FAM210B: variants seen among roughly 807,000 people sequenced by gnomAD.
FAM210B encodes the protein family with sequence similarity 210 member B.
A neutral mutation model predicts 14.9 loss-of-function variants in FAM210B; 11 were observed. That is an observed-to-expected ratio of 0.74 (90% CI 0.46 to 1.22). The LOEUF is 1.22. FAM210B is among the 50% of genes most tolerant of loss of function. The pLI, the probability that FAM210B is intolerant of heterozygous loss-of-function variation, is 0.00. For missense variants in FAM210B, 229 were observed against 250.1 expected (o/e 0.92, Z 0.57); for synonymous variants, 113 against 110.2 (o/e 1.03, Z -0.16).
rs867220917 is a variant in FAM210B, at chr20:56,365,320, G to C, written c.362+58G>C. ...TTTACTGTCATGTAAGATTCTATGT[G>C]AATAAGAACGTGTTTGCTAAGACTT... On this transcript the variant is annotated intron_variant, in intron 2 of 2. Transcript: ENST00000371384. 53 of 1,553,874 alleles carry C rather than the reference G, an allele frequency of 3.4e-5. No individual in the cohort carries two copies. The Middle Eastern group carries it at 2.4e-3, about 71-fold the overall frequency.
rs1321086637 is a variant in FAM210B at position 56,368,317 on chromosome 20, G to A, written c.*2030G>A. 6.8e-6 allele frequency: 1 copy of A among 146,936 alleles called. No individual in the cohort carries two copies. Among genetic ancestry groups the A allele is most frequent in the Non-Finnish European group, 1.5e-5 (1 of 67,536 alleles). 9.1% of individuals were successfully genotyped at this position (146,936 alleles called of 1,614,324 possible). The stretch of plus-strand genomic sequence containing the variant: ...TGCCAGTCTCCCATTTATGTCCCTA[G>A]TAATGCCTATGCAAAAAAAAAAAAA... On this transcript the variant is annotated 3_prime_UTR_variant, in exon 3 of 3. Coordinates refer to ENST00000371384, the MANE Select transcript of FAM210B (RefSeq NM_080821.3).
At position 56,359,110 on chromosome 20, in the gene FAM210B, G is replaced by T. The variant is rs767208418; in HGVS notation, c.105G>T (p.Pro35=). 1.4e-4 allele frequency: 180 copies of T among 1,329,786 alleles called. 1 individual carries two copies. The African/African-American group carries it at 2.6e-3, about 19-fold the overall frequency. The allele number at this position is 1,329,786 out of a possible 1,614,324, so 82.4% of individuals were successfully genotyped here. The change falls in exon 1 of 3, where the codon CCG becomes CCT. Residue 35 remains proline, a synonymous_variant. Transcript: ENST00000371384. This position sits in a 1 kb window ranked among gnomAD's most constrained non-coding sequence, Gnocchi z 4.3. ...LLGATAPCAP[P]PLALALLPPR... is the part of the protein sequence containing the mutation. ...GCGCCACCGCCCCCTGCGCCCCGCC[G>T]CCCCTGGCCCTGGCCCTGCTCCCGC...
rs913831274 is a variant in FAM210B at position 56,365,016 on chromosome 20, C to T, written c.187-71C>T. ...GCAGGAAAGAGTATAACATTGCATGCGTGTATAAAAGCCGGTAATGACTGC... is the reference window on the plus strand; with the variant it reads ...GCAGGAAAGAGTATAACATTGCATGTGTGTATAAAAGCCGGTAATGACTGC... On this transcript the variant is annotated intron_variant, in intron 1 of 2. Coordinates refer to ENST00000371384, the MANE Select transcript of FAM210B (RefSeq NM_080821.3). The T allele has an allele frequency of 1.6e-5, 22 of 1,416,392 alleles. No homozygotes were observed. The East Asian group carries it at 3.3e-4, about 21-fold the overall frequency. The allele number at this position is 1,416,392 out of a possible 1,614,324, so 87.7% of individuals were successfully genotyped here.
In FAM210B at chr20:56,362,403, G is replaced by A. The variant is rs770559147; in HGVS notation, c.187-2684G>A. On this transcript the variant is annotated intron_variant, in intron 1 of 2. Coordinates refer to ENST00000371384, the MANE Select transcript of FAM210B (RefSeq NM_080821.3). The surrounding 1 kb of genome is among the most constrained non-coding windows in gnomAD (Gnocchi z 4.8). ...GTACAGACAGAAGATGTGTCACGCC[G>A]TCCTGTGCATTCAGGACAGTGCCTA... Among the ~76,000 whole-genome samples, 5 of 152,134 alleles carry A rather than the reference G, an allele frequency of 3.3e-5. No individual in the cohort carries two copies. The highest frequency in any genetic ancestry group is 2.1e-4 in the South Asian group (1 of 4,820).
In FAM210B at chr20:56,359,287, C is replaced by G. The variant is rs1369107245; in HGVS notation, c.186+96C>G. ...GGTCCGGCCGCCTCCGCCAAGGACG[C>G]CTTTGCACTTGTAGCTGCCCGGGAC... On this transcript the variant is annotated intron_variant, in intron 1 of 2. Coordinates refer to ENST00000371384, the MANE Select transcript of FAM210B (RefSeq NM_080821.3). The surrounding 1 kb of genome is among the most constrained non-coding windows in gnomAD (Gnocchi z 4.3). 4 of 1,154,482 alleles carry G rather than the reference C, an allele frequency of 3.5e-6. No individual in the cohort carries two copies. The highest frequency in any genetic ancestry group is 3.5e-5 in the East Asian group (1 of 28,452). 71.5% of individuals were successfully genotyped at this position (1,154,482 alleles called of 1,614,324 possible). A position where few individuals can be genotyped will look rare whatever the true frequency, so the allele number is the denominator to read the frequency against.
rs1480323553 is a variant in FAM210B at position 56,367,951 on chromosome 20, A to G, written c.*1664A>G. 1 of 152,284 alleles carries G rather than the reference A, an allele frequency of 6.6e-6. No homozygotes were observed. 9.4% of individuals were successfully genotyped at this position (152,284 alleles called of 1,614,324 possible). ...TGACCATCAGAGAACTGAATAAACC[A>G]TTAACTGGCCATCCTGGTTTTGCAG... On this transcript the variant is annotated 3_prime_UTR_variant, in exon 3 of 3. Coordinates refer to ENST00000371384, the MANE Select transcript of FAM210B (RefSeq NM_080821.3).
intron 1 of FAM210B, chr20:56,360,193 G>C (rs1040486333): frequency 1.1e-5 from 5 of 470,420 alleles, no homozygotes; most frequent in Non-Finnish European, 2.2e-5. Context: ...CCGACAGGTG[G>C]CACACAGGTC....
Position 56,359,140 on chromosome 20 carries a change from G to A in FAM210B, c.135G>A (p.Arg45=), listed in dbSNP as rs1983481376. ...PPLALALLPP[R]LDARLLRTAR... is the part of the protein sequence containing the mutation. The stretch of plus-strand genomic sequence containing the variant: ...TGGCCCTGGCCCTGCTCCCGCCCAG[G>A]CTAGACGCCCGGCTGCTCCGCACGG... Residue 45 remains arginine (R), a synonymous_variant, in exon 1 of 3, where the codon AGG becomes AGA. Coordinates refer to ENST00000371384, the MANE Select transcript of FAM210B (RefSeq NM_080821.3). This position sits in a 1 kb window ranked among gnomAD's most constrained non-coding sequence, Gnocchi z 4.3. 7 of 1,265,622 alleles carry A rather than the reference G, an allele frequency of 5.5e-6. No homozygotes were observed. The South Asian group carries it at 1.9e-4, about 34-fold the overall frequency. The allele number at this position is 1,265,622 out of a possible 1,614,324, so 78.4% of individuals were successfully genotyped here. A position where few individuals can be genotyped will look rare whatever the true frequency, so the allele number is the denominator to read the frequency against.
rs375564926 is a variant in FAM210B, at chr20:56,365,272, T to C, written c.362+10T>C. ...ACATGGTTGTGTCAAGGTAAGATTT[T>C]TGACAGTAATTAATATTTGTTTTTT... On this transcript the variant is annotated intron_variant, in intron 2 of 2. Coordinates refer to ENST00000371384, the MANE Select transcript of FAM210B (RefSeq NM_080821.3). The C allele has an allele frequency of 1.2e-4, 198 of 1,607,630 alleles. No homozygotes were observed. The African/African-American group carries it at 2.2e-3, about 18-fold the overall frequency.
Position 56,367,038 on chromosome 20 carries a change from C to T in FAM210B, c.*751C>T, listed in dbSNP as rs1012722301. 2.6e-5 allele frequency: 4 copies of T among 152,518 alleles called. No homozygotes were observed. The highest frequency in any genetic ancestry group is 5.9e-5 in the Non-Finnish European group (4 of 68,046). The allele number at this position is 152,518 out of a possible 1,614,324, so 9.4% of individuals were successfully genotyped here. A position where few individuals can be genotyped will look rare whatever the true frequency, so the allele number is the denominator to read the frequency against. ...CTGATGCCCATGTTCCAGAGGAATT[C>T]GGATACCACAAACAGCTAAGACAAT... On this transcript the variant is annotated 3_prime_UTR_variant, in exon 3 of 3. Coordinates refer to ENST00000371384, the MANE Select transcript of FAM210B (RefSeq NM_080821.3).
chr20:56,365,743 A>T (rs961369386), intron 2 of FAM210B, among the ~76,000 whole-genome samples: 3 of 152,074 alleles, frequency 2.0e-5, no homozygotes, highest in Non-Finnish European at 4.4e-5. Flanking sequence ...TGACCTAGTG[A>T]TCCGCCCCCT....
In FAM210B at chr20:56,363,671, A is replaced by G. The variant is rs761619214; in HGVS notation, c.187-1416A>G. 1.8e-4 allele frequency among the ~76,000 whole-genome samples: 27 copies of G among 152,106 alleles called. No homozygotes were observed. Among genetic ancestry groups the G allele is most frequent in the Non-Finnish European group, 3.7e-4 (25 of 68,020 alleles). On this transcript the variant is annotated intron_variant, in intron 1 of 2. Coordinates refer to ENST00000371384, the MANE Select transcript of FAM210B (RefSeq NM_080821.3). This position sits in a 1 kb window ranked among gnomAD's most constrained non-coding sequence, Gnocchi z 4.1. ...GTTGGTATTTTTGTTTCTCCCACAC[A>G]TTCCAGGCTTGGTAGGTGCTCAGTA...
Position 56,367,588 on chromosome 20 carries a change from A to T in FAM210B, c.*1301A>T, listed in dbSNP as rs1207729494. 1.3e-5 allele frequency: 2 copies of T among 152,498 alleles called. No individual in the cohort carries two copies. The highest frequency in any genetic ancestry group is 2.9e-5 in the Non-Finnish European group (2 of 68,256). The allele number at this position is 152,498 out of a possible 1,614,324, so 9.4% of individuals were successfully genotyped here. ...GAGGTGGAGGTTGCAGTGAGCCAAG[A>T]TCACACCACTGCACTCCAGCCTGGG... On this transcript the variant is annotated 3_prime_UTR_variant, in exon 3 of 3. Transcript: ENST00000371384.
Position 56,359,042 on chromosome 20 carries a change from A to T in FAM210B, c.37A>T (p.Arg13Trp). Reference protein sequence around the residue: ...GLLALLGPAGRVGARVRPRAT... With the variant: ...GLLALLGPAGWVGARVRPRAT... ...GCTGGCGTTGCTGGGTCCGGCAGGC[A>T]GGGTGGGCGCCCGGGTCCGGCCTCG... The change falls in exon 1 of 3, where the codon AGG (arginine) becomes TGG (tryptophan). Residue 13 changes from arginine (R) to tryptophan (W), a missense_variant. By Grantham distance (101) the Arg-to-Trp change is moderately radical (BLOSUM62 -3). Around this residue, in one of 3 missense-constraint regions of FAM210B, gnomAD observed 144 missense variants for 132.5 expected, o/e 1.09. Coordinates refer to ENST00000371384, the MANE Select transcript of FAM210B (RefSeq NM_080821.3). The surrounding 1 kb of genome is among the most constrained non-coding windows in gnomAD (Gnocchi z 4.3). The T allele has an allele frequency of 7.4e-7, 1 of 1,350,210 alleles. No individual in the cohort carries two copies. Among genetic ancestry groups the T allele is most frequent in the Non-Finnish European group, 9.6e-7 (1 of 1,045,432 alleles). 83.6% of individuals were successfully genotyped at this position (1,350,210 alleles called of 1,614,324 possible).
At chr20:56,364,866 A>C (rs1255045027) in intron 1 of FAM210B, among the ~76,000 whole-genome samples, 3 of 152,086 alleles carry the variant, frequency 2.0e-5, no homozygotes, top group Admixed American at 2.0e-4. Context: ...AGGCAAAAGA[A>C]TCCTTTGAAC....
intron 2 of FAM210B, among the ~76,000 whole-genome samples, chr20:56,365,795 G>A (rs555336771): frequency 1.5e-4 from 23 of 151,552 alleles, no homozygotes; most frequent in African/African-American, 3.4e-4. Context: ...GAGCCCCCGC[G>A]TCAGGCCGAT....
At position 56,365,171 on chromosome 20, in the gene FAM210B, A is replaced by C; in HGVS notation, c.271A>C (p.Lys91Gln). 6.2e-7 allele frequency: 1 copy of C among 1,614,218 alleles called. No homozygotes were observed. The highest frequency in any genetic ancestry group is 8.5e-7 in the Non-Finnish European group (1 of 1,180,036). The change falls in exon 2 of 3, where the codon AAG (lysine) becomes CAG (glutamine). Residue 91 changes from lysine (K) to glutamine (Q), a missense_variant. Lys to Gln is a moderately conservative substitution (Grantham distance 53). Coordinates refer to ENST00000371384, the MANE Select transcript of FAM210B (RefSeq NM_080821.3). Reference sequence around the variant, plus strand: ...GCAAAGCAAGTCACAGCAACTGAAAAAGATTTTTCAAGAGTATGGCACTGT... The same window carrying C: ...GCAAAGCAAGTCACAGCAACTGAAACAGATTTTTCAAGAGTATGGCACTGT... Reference protein sequence around the residue: ...KKQSKSQQLKKIFQEYGTVGV... With the variant: ...KKQSKSQQLKQIFQEYGTVGV...
In FAM210B at chr20:56,366,152, T is replaced by C. The variant is rs142545328; in HGVS notation, c.444T>C (p.Ser148=). 1.9e-5 allele frequency: 30 copies of C among 1,614,232 alleles called. No homozygotes were observed. The African/African-American group carries it at 3.5e-4, about 19-fold the overall frequency. Residue 148 remains serine, a synonymous_variant, in exon 3 of 3, where the codon AGT becomes AGC. Coordinates refer to ENST00000371384, the MANE Select transcript of FAM210B (RefSeq NM_080821.3). ...AGTCAAAAATGGCAGCAGGCACAAG[T>C]ACCTTCGTGGTGGCCTATGCAATCC... The part of the protein sequence containing the change: ...LVQSKMAAGT[S]TFVVAYAIHK...
intron 1 of FAM210B, chr20:56,360,197 A>C (rs780381264): frequency 2.1e-5 from 10 of 470,598 alleles, no homozygotes; most frequent in South Asian, 1.5e-4. Context: ...CAGGTGGCAC[A>C]CAGGTCTTGG....
Sources: gnomAD v4.1 joint callset for allele counts (sites outside exome capture counted in the v4.1 genomes callset) on GRCh38, gnomAD v4.1.1 for gene constraint, gnomAD v4.1.1 regional missense constraint, Gnocchi (gnomAD v3.1) non-coding constraint, MANE v1.5 for transcripts, NCBI Gene and HGNC (gene_info 2026-07-23, HGNC 2026-07-21) for gene names.